Variants in DPP6 observed in about 807,000 individuals in gnomAD.
DPP6 encodes the protein dipeptidyl peptidase like 6.
Under a neutral mutation model 122.6 loss-of-function variants are expected in DPP6, and 69 were observed. That is an observed-to-expected ratio of 0.56 (90% CI 0.46 to 0.69). DPP6 has a LOEUF of 0.69. Ranked by LOEUF, DPP6 falls within the 30% of genes least tolerant of loss-of-function variation. The pLI, the probability that DPP6 is intolerant of heterozygous loss-of-function variation, is 0.00. For synonymous variants in DPP6, 418 were observed against 433.1 expected, an observed-to-expected ratio of 0.97 and a Z score of 0.43; for missense variants, 928 against 1,116.9, an observed-to-expected ratio of 0.83 and a Z score of 2.41.
At chr7:154,073,702 T>C (rs1229821079) in intron 1 of DPP6, among the ~76,000 whole-genome samples, 1 of 152,262 alleles carries the variant, frequency 6.6e-6, no homozygotes, top group East Asian at 1.9e-4. Context: ...CCATTAGTTT[T>C]ACATCCTTGG....
intron 1 of DPP6, among the ~76,000 whole-genome samples, chr7:154,003,207 C>T (rs977474380): frequency 7.2e-5 from 11 of 152,130 alleles, no homozygotes; most frequent in Admixed American, 5.9e-4. Context: ...TTATCAACGT[C>T]GGTGACCCGC....
At chr7:154,344,403 A>G (rs1048830827) in intron 1 of DPP6, among the ~76,000 whole-genome samples, 1 of 152,198 alleles carries the variant, frequency 6.6e-6, no homozygotes, top group Non-Finnish European at 1.5e-5. Flanking sequence ...TATATCCAAA[A>G]GACAAGCAGT....
chr7:154,614,211 C>G (rs1447563928), intron 5 of DPP6, among the ~76,000 whole-genome samples: 1 of 152,206 alleles, frequency 6.6e-6, no homozygotes, highest in East Asian at 1.9e-4. Flanking sequence ...ATAAATCAGG[C>G]TCACATAGGG....
At chr7:154,191,287 A>C (rs1377950027) in intron 1 of DPP6, among the ~76,000 whole-genome samples, 1 of 152,250 alleles carries the variant, frequency 6.6e-6, no homozygotes, top group Non-Finnish European at 1.5e-5. Context: ...GAAGACTGCT[A>C]ATCATTGACA....
intron 6 of DPP6, among the ~76,000 whole-genome samples, chr7:154,649,493 C>T (rs769487866): frequency 2.6e-5 from 4 of 152,206 alleles, no homozygotes; most frequent in Non-Finnish European, 5.9e-5. Flanking sequence ...AAGAACTCTG[C>T]CTTTTTCTTA....
intron 5 of DPP6, among the ~76,000 whole-genome samples, chr7:154,608,722 A>G (rs11772665): frequency 0.4 from 61,254 of 151,706 alleles, 13,379 homozygotes; most frequent in East Asian, 0.65. Context: ...TGATTCCATC[A>G]TTTTAACCTT....
intron 1 of DPP6, among the ~76,000 whole-genome samples, chr7:153,947,564 A>G (rs1483307525): frequency 6.6e-6 from 1 of 151,904 alleles, no homozygotes; most frequent in East Asian, 1.9e-4. Context: ...AAGCCTTCCT[A>G]AGGCAGTGGA....
At chr7:154,548,415 C>A (rs1315890992) in intron 4 of DPP6, among the ~76,000 whole-genome samples, 1 of 151,464 alleles carries the variant, frequency 6.6e-6, no homozygotes, top group Non-Finnish European at 1.5e-5. Flanking sequence ...GTAGTCCCAG[C>A]TACTCGGGAG....
intron 1 of DPP6, chr7:154,058,740 G>C (rs1315182341): frequency 6.6e-6 from 1 of 150,842 alleles, no homozygotes; most frequent in South Asian, 2.1e-4. Flanking sequence ...GGATTACTGA[G>C]AGCCAGTCCC....
chr7:154,205,129 G>GT (rs149960247), intron 1 of DPP6, among the ~76,000 whole-genome samples: 137 of 148,924 alleles, frequency 9.2e-4, no homozygotes, highest in Middle Eastern at 3.4e-3. Context: ...CTTCGATGTG[G>GT]TTTTTTTTTT....
intron 7 of DPP6, among the ~76,000 whole-genome samples, chr7:154,690,901 C>G (rs998245816): frequency 1.3e-5 from 2 of 152,190 alleles, no homozygotes; most frequent in African/African-American, 4.8e-5. Context: ...TTAGGACCAC[C>G]CGCTGTTAAG....
At chr7:154,494,105 G>A (rs1340847294) in intron 3 of DPP6, among the ~76,000 whole-genome samples, 1 of 152,170 alleles carries the variant, frequency 6.6e-6, no homozygotes, top group East Asian at 1.9e-4. Flanking sequence ...TGTAATCCCA[G>A]CCCTTTGGGA....
chr7:154,361,667 A>C (rs1586053320), intron 1 of DPP6, among the ~76,000 whole-genome samples: 9 of 152,084 alleles, frequency 5.9e-5, no homozygotes, highest in Admixed American at 5.2e-4. Context: ...CTGTTGTTGA[A>C]GCAGCAATGA....
At chr7:153,921,218 G>A (rs1800622424) in intron 1 of DPP6, among the ~76,000 whole-genome samples, 2 of 152,236 alleles carry the variant, frequency 1.3e-5, no homozygotes, top group African/African-American at 4.8e-5. Flanking sequence ...AAGACACAGA[G>A]CAGGGTACCC....
At chr7:154,800,535 G>A (rs73500261) in intron 12 of DPP6, among the ~76,000 whole-genome samples, 2,808 of 152,334 alleles carry the variant, frequency 0.018, 94 homozygotes, top group African/African-American at 0.064. Flanking sequence ...CCTGTGGGCT[G>A]GTGGAAGGCT....
chr7:154,583,855 A>C (rs73483881), intron 5 of DPP6, among the ~76,000 whole-genome samples: 12,039 of 152,062 alleles, frequency 0.079, 1,209 homozygotes, highest in African/African-American at 0.24. Context: ...TCATCCGTTT[A>C]ATCCCACGTT....
At chr7:154,449,398 G>A (rs1820158095) in intron 2 of DPP6, among the ~76,000 whole-genome samples, 1 of 152,122 alleles carries the variant, frequency 6.6e-6, no homozygotes, top group African/African-American at 2.4e-5. Flanking sequence ...CCACTAGGAT[G>A]ATTATAAGAA....
chr7:153,912,061 C>T (rs1457949597), intron 1 of DPP6, among the ~76,000 whole-genome samples: 1 of 152,074 alleles, frequency 6.6e-6, no homozygotes, highest in Non-Finnish European at 1.5e-5. Flanking sequence ...AGGTAACATC[C>T]CCAGTGGTGT....
intron 1 of DPP6, among the ~76,000 whole-genome samples, chr7:154,109,068 C>T (rs1806370050): frequency 6.6e-6 from 1 of 152,204 alleles, no homozygotes; most frequent in Non-Finnish European, 1.5e-5. Flanking sequence ...AGGAAAACGT[C>T]TAGAGCTTGT....
Sources: allele counts gnomAD v4.1 joint callset (sites outside exome capture counted in the v4.1 genomes callset), GRCh38; gene constraint gnomAD v4.1.1; transcripts MANE v1.5; gene names NCBI Gene and HGNC (gene_info 2026-07-23, HGNC 2026-07-21).